The following ZNF160 variants were observed in gnomAD, a reference collection of about 807,000 sequenced individuals.
ZNF160 encodes the protein KRAB zinc finger protein KR18.
Under a neutral mutation model 13.1 loss-of-function variants are expected in ZNF160, and 9 were observed. The ratio of observed to expected loss-of-function variants is 0.69; its 90% CI spans 0.41 to 1.20. The LOEUF (loss-of-function observed/expected upper bound fraction) is 1.20, where lower values mean the gene tolerates loss of function less well. Ranked by LOEUF, ZNF160 falls within the 50% of genes most tolerant of loss-of-function variation. The pLI, the probability that ZNF160 is intolerant of heterozygous loss-of-function variation, is 0.01. For missense variants in ZNF160, 838 were observed against 988.0 expected (o/e 0.85, Z 2.04); for synonymous variants, 293 against 333.2 (o/e 0.88, Z 1.31).
intron 1 of ZNF160, among the ~76,000 whole-genome samples, chr19:53,096,782 G>A (rs12983079): frequency 0.2 from 24,859 of 126,182 alleles, 2,480 homozygotes; most frequent in East Asian, 0.29. Context: ...TCAATCACCC[G>A]CCTGGGGAAG....
chr19:53,087,619 C>T (rs1351370515), intron 2 of ZNF160, among the ~76,000 whole-genome samples: 4 of 152,102 alleles, frequency 2.6e-5, no homozygotes, highest in South Asian at 2.1e-4. Flanking sequence ...AGCGTGATCT[C>T]GGCTCACTGC....
intron 1 of ZNF160, chr19:53,095,896 A>C (rs961351281): frequency 8.5e-5 from 13 of 152,208 alleles, no homozygotes; most frequent in Non-Finnish European, 1.3e-4. Context: ...GGAGTGTAGT[A>C]AAAATTAAAT....
intron 2 of ZNF160, among the ~76,000 whole-genome samples, chr19:53,090,630 C>A (rs1200255084): frequency 6.6e-6 from 1 of 152,146 alleles, no homozygotes; most frequent in African/African-American, 2.4e-5. Flanking sequence ...TCCTTCAACG[C>A]TGGGTCAGAG....
chr19:53,076,127 A>G (rs2145599052), intron 3 of ZNF160, among the ~76,000 whole-genome samples: 1 of 152,344 alleles, frequency 6.6e-6, no homozygotes, highest in East Asian at 1.9e-4. Flanking sequence ...AGGACTTTTG[A>G]GCAAGTTATG....
chr19:53,068,181 C>T lies in ZNF160; in HGVS notation c.2353G>A (p.Gly785Arg). The T allele has an allele frequency of 1.2e-6, 2 of 1,614,190 alleles. No individual in the cohort carries two copies. The highest frequency in any genetic ancestry group is 2.2e-5 in the South Asian group (2 of 91,086). ...SLTTHMAIHT[G>R]EKRYKCNECG... is the part of the protein sequence containing the mutation. ...TCATTACATTTGTAACGCTTTTCTC[C>T]AGTGTGGATTGCCATATGGGTAGTT... is the stretch of plus-strand genomic sequence containing the variant. Residue 785 changes from glycine (G) to arginine (R), a missense_variant, in exon 6 of 6, where the codon GGA becomes AGA. By Grantham distance (125) the Gly-to-Arg change is moderately radical. Around this residue, in one of 3 missense-constraint regions of ZNF160, gnomAD observed 51 missense variants for 46.9 expected, o/e 1.09. Coordinates refer to ENST00000683776, the MANE Select transcript of ZNF160 (RefSeq NM_001322131.2).
At chr19:53,083,287 G>A (rs775133081) in intron 3 of ZNF160, among the ~76,000 whole-genome samples, 14 of 152,094 alleles carry the variant, frequency 9.2e-5, no homozygotes, top group South Asian at 6.2e-4. Context: ...ATCTTGCCTT[G>A]GATATTCTGG....
At chr19:53,080,897 A>G (rs968385815) in intron 3 of ZNF160, among the ~76,000 whole-genome samples, 2 of 152,180 alleles carry the variant, frequency 1.3e-5, no homozygotes, top group Admixed American at 6.6e-5. Context: ...AATAGAACAG[A>G]GACCCCTAAA....
intron 3 of ZNF160, among the ~76,000 whole-genome samples, chr19:53,082,872 G>A (rs1216480587): frequency 1.0e-5 from 1 of 99,648 alleles, no homozygotes; most frequent in Non-Finnish European, 2.0e-5. Flanking sequence ...GCCCCAGGTT[G>A]TTTTTCCTGT....
intron 3 of ZNF160, among the ~76,000 whole-genome samples, chr19:53,081,368 C>T (rs139027992): frequency 0.013 from 1,969 of 152,120 alleles, 17 homozygotes; most frequent in South Asian, 0.039. Flanking sequence ...ACGCATCTGA[C>T]GAATAACTAA....
intron 3 of ZNF160, among the ~76,000 whole-genome samples, chr19:53,083,015 T>C (rs2084690553): frequency 6.6e-6 from 1 of 152,188 alleles, no homozygotes; most frequent in Admixed American, 6.5e-5. Context: ...GATATTACAA[T>C]GAATACATAT....
In ZNF160 at chr19:53,074,277, A is replaced by T. The variant is rs765317398; in HGVS notation, c.143-9T>A. The T allele has an allele frequency of 8.1e-6, 13 of 1,613,410 alleles. No individual in the cohort carries two copies. The highest frequency in any genetic ancestry group is 1.1e-5 in the Non-Finnish European group (13 of 1,179,746). On this transcript the variant is annotated splice_polypyrimidine_tract_variant and intron_variant, in intron 4 of 5. Coordinates refer to ENST00000683776, the MANE Select transcript of ZNF160 (RefSeq NM_001322131.2). ...ATCAAAATGACACAGTCCTGTTTAT[A>T]AAAAGAAAGGATCACAATGTGCCGG...
chr19:53,080,867 A>G (rs1030612769), intron 3 of ZNF160, among the ~76,000 whole-genome samples: 3 of 152,216 alleles, frequency 2.0e-5, no homozygotes, highest in African/African-American at 7.2e-5. Context: ...TGGTATAAAA[A>G]CAGACACATA....
Position 53,069,475 on chromosome 19 carries a change from A to T in ZNF160, c.1059T>A (p.His353Gln), listed in dbSNP as rs749325913. The T allele has an allele frequency of 1.9e-6, 3 of 1,613,998 alleles. No individual in the cohort carries two copies. Among genetic ancestry groups the T allele is most frequent in the Non-Finnish European group, 2.5e-6 (3 of 1,180,004 alleles). The change falls in exon 6 of 6, where the codon CAT becomes CAA. Residue 353 changes from histidine (H) to glutamine (Q), a missense_variant. By Grantham distance (24) the His-to-Gln change is conservative. Around this residue, in one of 3 missense-constraint regions of ZNF160, gnomAD observed 400 missense variants for 538.9 expected, o/e 0.74. Transcript: ENST00000683776. This position sits in a 1 kb window ranked among gnomAD's most constrained non-coding sequence, Gnocchi z 4.4. Reference sequence around the variant, plus strand: ...TTAACTGATGGGTAGTTAGGTTTGAATGTCCTCTAAAGGCTTTTCCACACT... The same window carrying T: ...TTAACTGATGGGTAGTTAGGTTTGATTGTCCTCTAAAGGCTTTTCCACACT... ...CNECGKAFRGHSNLTTHQLIH... is the reference protein window; with the variant it reads ...CNECGKAFRGQSNLTTHQLIH...
At chr19:53,102,777 C>T (rs1275272335) in intron 1 of ZNF160, among the ~76,000 whole-genome samples, 1 of 152,130 alleles carries the variant, frequency 6.6e-6, no homozygotes, top group Non-Finnish European at 1.5e-5. Flanking sequence ...GTACATTTTC[C>T]AGGGGGTGGA....
At chr19:53,070,973 G>A (rs137989281) in intron 5 of ZNF160, among the ~76,000 whole-genome samples, 350 of 152,080 alleles carry the variant, frequency 2.3e-3, no homozygotes, top group Non-Finnish European at 2.9e-3. Flanking sequence ...TAAGGTGGGT[G>A]GATCATGAGG....
At chr19:53,101,636 G>A (rs1198673654) in intron 1 of ZNF160, among the ~76,000 whole-genome samples, 1 of 152,056 alleles carries the variant, frequency 6.6e-6, no homozygotes, top group Admixed American at 6.6e-5. Flanking sequence ...GAGATGAAAG[G>A]TAAATACAAG....
At chr19:53,097,423 C>G (rs911304836) in intron 1 of ZNF160, among the ~76,000 whole-genome samples, 1 of 151,370 alleles carries the variant, frequency 6.6e-6, no homozygotes, top group African/African-American at 2.4e-5. Context: ...CGCTTACAAA[C>G]TCCCACACTC....
rs948022275 is a variant in ZNF160, at chr19:53,068,332, T to C, written c.2202A>G (p.Lys734=). The C allele has an allele frequency of 1.1e-5, 17 of 1,614,000 alleles. No individual in the cohort carries two copies. The highest frequency in any genetic ancestry group is 1.4e-5 in the Non-Finnish European group (16 of 1,180,034). ...TAAAGACCTTGCCACATTCATTACATTTGTAAGGTTTTTTCCCAGTATGGA... is the reference window on the plus strand; with the variant it reads ...TAAAGACCTTGCCACATTCATTACACTTGTAAGGTTTTTTCCCAGTATGGA... ...QAIHTGKKPY[K]CNECGKVFTQ... is the part of the protein sequence containing the mutation. The change falls in exon 6 of 6, where the codon AAA becomes AAG. Residue 734 remains lysine, a synonymous_variant. Coordinates refer to ENST00000683776, the MANE Select transcript of ZNF160 (RefSeq NM_001322131.2).
intron 3 of ZNF160, chr19:53,085,270 CCAAA>C (rs2084788199): frequency 8.6e-6 from 8 of 926,644 alleles, no homozygotes; most frequent in Non-Finnish European, 1.0e-5. Context: ...CATATCACAA[CCAAA>C]CATTCACTGA....
Sources: allele counts gnomAD v4.1 joint callset (sites outside exome capture counted in the v4.1 genomes callset), GRCh38; gene constraint gnomAD v4.1.1; regional missense constraint gnomAD v4.1.1; non-coding constraint Gnocchi (gnomAD v3.1); transcripts MANE v1.5; gene names NCBI Gene and HGNC (gene_info 2026-07-23, HGNC 2026-07-21).